PIP4P2: variants seen among roughly 807,000 people sequenced by gnomAD.
The protein encoded by PIP4P2 is phosphatidylinositol-4,5-bisphosphate 4-phosphatase 2.
Under a neutral mutation model 33.3 loss-of-function variants are expected in PIP4P2, and 19 were observed. The ratio of observed to expected loss-of-function variants is 0.57; its 90% CI spans 0.40 to 0.84. The LOEUF (loss-of-function observed/expected upper bound fraction) is 0.84. Ranked by LOEUF, PIP4P2 falls within the 40% of genes least tolerant of loss-of-function variation. The probability of loss-of-function intolerance (pLI) is 0.00; values close to 1 mark genes in which losing one functional copy is unlikely to be tolerated. For missense variants in PIP4P2, 270 were observed against 324.7 expected (o/e 0.83, Z 1.29); for synonymous variants, 110 against 111.9 (o/e 0.98, Z 0.11).
intron 4 of PIP4P2, among the ~76,000 whole-genome samples, chr8:91,018,014 C>T (rs543213608): frequency 7.2e-5 from 11 of 152,256 alleles, no homozygotes; most frequent in African/African-American, 2.4e-4. Context: ...TTTCCTCAAT[C>T]TAGAAGCCAT....
At chr8:91,004,457 T>C (rs1811742348) in intron 5 of PIP4P2, among the ~76,000 whole-genome samples, 1 of 152,166 alleles carries the variant, frequency 6.6e-6, no homozygotes, top group African/African-American at 2.4e-5. Context: ...ACCATTTCTT[T>C]AGACATTCCT....
At chr8:91,024,124 C>T (rs1029393277) in intron 1 of PIP4P2, among the ~76,000 whole-genome samples, 1 of 152,086 alleles carries the variant, frequency 6.6e-6, no homozygotes, top group Non-Finnish European at 1.5e-5. Flanking sequence ...TAAATGGAAT[C>T]AATCCAAGAG....
At chr8:90,997,916 G>A (rs1326828106) in intron 5 of PIP4P2, among the ~76,000 whole-genome samples, 1 of 152,002 alleles carries the variant, frequency 6.6e-6, no homozygotes, top group Non-Finnish European at 1.5e-5. Context: ...AACTGATGAA[G>A]TTTTTTGCAA....
intron 1 of PIP4P2, among the ~76,000 whole-genome samples, chr8:91,038,993 T>C (rs562623025): frequency 5.9e-5 from 9 of 152,178 alleles, no homozygotes; most frequent in South Asian, 2.1e-4. Context: ...AACAAATATA[T>C]GGAAAATAAT....
At chr8:91,028,097 A>T (rs1181073611) in intron 1 of PIP4P2, among the ~76,000 whole-genome samples, 1 of 152,226 alleles carries the variant, frequency 6.6e-6, no homozygotes, top group African/African-American at 2.4e-5. Context: ...ATTTATTGCA[A>T]GAAGAAGTAG....
At chr8:91,014,665 T>C (rs1811887938) in intron 4 of PIP4P2, among the ~76,000 whole-genome samples, 1 of 151,892 alleles carries the variant, frequency 6.6e-6, no homozygotes, top group Non-Finnish European at 1.5e-5. Context: ...TTTCTGAAGA[T>C]CTAATGTACA....
At chr8:90,997,867 T>A (rs1430559779) in intron 5 of PIP4P2, among the ~76,000 whole-genome samples, 1 of 152,120 alleles carries the variant, frequency 6.6e-6, no homozygotes, top group Non-Finnish European at 1.5e-5. Flanking sequence ...TAATTTTGCA[T>A]ACAAAATTAT....
At chr8:91,032,036 G>A (rs1284037090) in intron 1 of PIP4P2, among the ~76,000 whole-genome samples, 1 of 152,140 alleles carries the variant, frequency 6.6e-6, no homozygotes, top group African/African-American at 2.4e-5. Flanking sequence ...GGATAAATGT[G>A]GGAAACTGAG....
intron 4 of PIP4P2, among the ~76,000 whole-genome samples, chr8:91,010,162 TG>T (rs1563563452): frequency 6.6e-6 from 1 of 151,934 alleles, no homozygotes; most frequent in African/African-American, 2.4e-5. Flanking sequence ...CTACAGAAAT[TG>T]GTATAGAACA....
intron 2 of PIP4P2, 46 bp from the exon 3 acceptor site, chr8:91,020,309 A>C (rs534749822): frequency 1.3e-6 from 2 of 1,546,814 alleles, no homozygotes; most frequent in South Asian, 2.2e-5. Context: ...ACCAAAGTAC[A>C]GATTGTCAAA....
chr8:91,021,303 T>C lies in PIP4P2; in HGVS notation c.208A>G (p.Lys70Glu), dbSNP rs1405941811. 2 of 1,613,732 alleles carry C rather than the reference T, an allele frequency of 1.2e-6. No individual in the cohort carries two copies. The highest frequency in any genetic ancestry group is 2.7e-5 in the African/African-American group (2 of 74,910). ...VCQSLINLDG[K>E]LHQHVVKCTV... The stretch of plus-strand genomic sequence containing the variant: ...CACTTAACCACATGCTGGTGAAGCT[T>C]GCCATCCAAATTGATTAGTGATTGG... The change falls in exon 2 of 7, where the codon AAG (lysine) becomes GAG (glutamate). Residue 70 changes from lysine to glutamate, a missense_variant. Lys to Glu is a moderately conservative substitution (Grantham distance 56, BLOSUM62 1). Transcript: ENST00000285419.
chr8:91,008,854 A>G (rs1811794949), intron 4 of PIP4P2, 59 bp from the exon 5 acceptor site: 5 of 1,415,054 alleles, frequency 3.5e-6, no homozygotes, highest in Admixed American at 3.5e-5. Flanking sequence ...ATCCAATCTG[A>G]TAAGACATTT....
At chr8:90,999,965 T>C (rs1268385678) in intron 5 of PIP4P2, among the ~76,000 whole-genome samples, 1 of 152,076 alleles carries the variant, frequency 6.6e-6, no homozygotes, top group Non-Finnish European at 1.5e-5. Context: ...TTTCTGCTTT[T>C]CTACCTTTAT....
chr8:90,996,746 T>C lies in PIP4P2; in HGVS notation c.540-2A>G, dbSNP rs1478077913. ...GGAAGTGCACTACCCACTGAGGAGCTGCAAATTCATGAAAGCAAAAGAGAA... is the reference window on the plus strand; with the variant it reads ...GGAAGTGCACTACCCACTGAGGAGCCGCAAATTCATGAAAGCAAAAGAGAA... On this transcript the variant is annotated splice_acceptor_variant, in intron 5 of 6. Coordinates refer to ENST00000285419, the MANE Select transcript of PIP4P2 (RefSeq NM_018710.3). LOFTEE classifies it high-confidence loss of function. 3 of 1,595,802 alleles carry C rather than the reference T, an allele frequency of 1.9e-6. No individual in the cohort carries two copies.
At chr8:91,011,126 T>C (rs984468887) in intron 4 of PIP4P2, among the ~76,000 whole-genome samples, 20 of 151,958 alleles carry the variant, frequency 1.3e-4, no homozygotes, top group Non-Finnish European at 2.7e-4. Context: ...AAAACTATTA[T>C]CCCTCTCTGC....
At chr8:91,011,346 A>G (rs952842427) in intron 4 of PIP4P2, among the ~76,000 whole-genome samples, 4 of 152,052 alleles carry the variant, frequency 2.6e-5, no homozygotes, top group African/African-American at 9.7e-5. Context: ...ATGTAATAGT[A>G]AACTCTGCTG....
At chr8:91,022,951 G>A (rs1288409962) in intron 1 of PIP4P2, among the ~76,000 whole-genome samples, 1 of 152,066 alleles carries the variant, frequency 6.6e-6, no homozygotes, top group Admixed American at 6.6e-5. Flanking sequence ...AGCTGTACAT[G>A]TCTTAAATTA....
chr8:91,015,136 A>G (rs1811896853), intron 4 of PIP4P2, among the ~76,000 whole-genome samples: 1 of 152,164 alleles, frequency 6.6e-6, no homozygotes. Flanking sequence ...ATTGTTTGAA[A>G]AGCGTGTAAG....
intron 4 of PIP4P2, 73 bp downstream of exon 4, chr8:91,018,317 C>T: frequency 6.2e-7 from 1 of 1,600,646 alleles, no homozygotes; most frequent in Non-Finnish European, 8.5e-7. Flanking sequence ...AACTATAAGA[C>T]TATGAGCAGT....
Sources: gnomAD v4.1 joint callset for allele counts (sites outside exome capture counted in the v4.1 genomes callset) on GRCh38, gnomAD v4.1.1 for gene constraint, MANE v1.5 for transcripts, NCBI Gene and HGNC (gene_info 2026-07-23, HGNC 2026-07-21) for gene names.